MCM5: variants seen among roughly 807,000 people sequenced by gnomAD.
MCM5 encodes the protein minichromosome maintenance complex component 5.
Under a neutral mutation model 79.9 loss-of-function variants are expected in MCM5, and 46 were observed. The observed-to-expected ratio is 0.58, with a 90% CI of 0.45 to 0.74. The LOEUF (loss-of-function observed/expected upper bound fraction) is 0.74, where lower values mean the gene tolerates loss of function less well. MCM5 is among the 30% of genes least tolerant of loss of function. MCM5 has a pLI of 0.00. For synonymous variants in MCM5, 404 were observed against 390.5 expected, an observed-to-expected ratio of 1.03 and a Z score of -0.41; for missense variants, 883 against 1,017.0, an observed-to-expected ratio of 0.87 and a Z score of 1.79.
At chr22:35,403,677 TTTG>T in intron 4 of MCM5, 135 bp downstream of exon 4, 1 of 1,103,298 alleles carries the variant, frequency 9.1e-7, no homozygotes, top group South Asian at 1.6e-5. Context: ...AAAAGGATCG[TTTG>T]TTGTTTTTTG....
intron 9 of MCM5, among the ~76,000 whole-genome samples, chr22:35,414,187 C>T (rs900896092): frequency 2.0e-5 from 3 of 152,046 alleles, no homozygotes; most frequent in Non-Finnish European, 4.4e-5. Flanking sequence ...GGGCAGGGGG[C>T]GAGTACACTG....
the MCM5 span, among the ~76,000 whole-genome samples, chr22:35,441,432 A>C: frequency 1.3e-5 from 2 of 152,128 alleles, no homozygotes; most frequent in African/African-American, 4.8e-5. Context: ...GTGCCCCCCC[A>C]CCACCTCTAC....
At chr22:35,421,529 C>T in intron 15 of MCM5, 69 bp downstream of exon 15, 2 of 1,602,976 alleles carry the variant, frequency 1.2e-6, no homozygotes, top group Non-Finnish European at 8.5e-7. Context: ...GTGGGCAGGG[C>T]TCTGGCCTGC....
the MCM5 span, among the ~76,000 whole-genome samples, chr22:35,432,415 C>T: frequency 1.3e-5 from 2 of 152,168 alleles, no homozygotes; most frequent in African/African-American, 4.8e-5. Context: ...TACATAAGCG[C>T]CTCACCCTGG....
chr22:35,434,889 C>T, the MCM5 span, among the ~76,000 whole-genome samples: 88 of 151,632 alleles, frequency 5.8e-4, no homozygotes, highest in Middle Eastern at 0.014. Context: ...CGGTGGCTCA[C>T]GCCTGTAATC....
At position 35,403,240 on chromosome 22, in the gene MCM5, G is replaced by C. The variant is rs759149447; in HGVS notation, c.201G>C (p.Glu67Asp). The C allele has an allele frequency of 1.9e-6, 3 of 1,614,038 alleles. No individual in the cohort carries two copies. The South Asian group carries it at 3.3e-5, about 18-fold the overall frequency. ...DELKRHYNLGEYWIEVEMEDL... is the reference protein window; with the variant it reads ...DELKRHYNLGDYWIEVEMEDL... ...TCAAGCGGCATTACAACCTGGGGGAGTACTGGATTGAGGTGGAGATGGAGG... is the reference window on the plus strand; with the variant it reads ...TCAAGCGGCATTACAACCTGGGGGACTACTGGATTGAGGTGGAGATGGAGG... Residue 67 changes from glutamate to aspartate, a missense_variant, in exon 3 of 17, where the codon GAG becomes GAC. Transcript: ENST00000216122.
At chr22:35,406,307 C>A (rs1444798682) in intron 4 of MCM5, among the ~76,000 whole-genome samples, 1 of 144,352 alleles carries the variant, frequency 6.9e-6, no homozygotes, top group Non-Finnish European at 1.5e-5. Flanking sequence ...CCTCCCCCCC[C>A]AATTGTGCTG....
chr22:35,414,482 C>T (rs1273806243), intron 9 of MCM5, among the ~76,000 whole-genome samples: 1 of 151,752 alleles, frequency 6.6e-6, no homozygotes, highest in Non-Finnish European at 1.5e-5. Flanking sequence ...ACTAGCCAGG[C>T]GTGATATGCA....
At chr22:35,442,026 C>T in the MCM5 span, among the ~76,000 whole-genome samples, 1 of 152,102 alleles carries the variant, frequency 6.6e-6, no homozygotes, top group Non-Finnish European at 1.5e-5. Flanking sequence ...CTTTCAGCTC[C>T]TCACCAATCT....
In MCM5 at chr22:35,403,639, C is replaced by T. The variant is rs555089769; in HGVS notation, c.423+97C>T. On this transcript the variant is annotated intron_variant, in intron 4 of 16. Transcript: ENST00000216122. ...TGTGGCCTTGAGTGAGGCACTTGAC[C>T]TTTCTGAACCTGTCTCCTCCTGGAG... The T allele has an allele frequency of 1.5e-5, 22 of 1,432,800 alleles. No homozygotes were observed. The East Asian group carries it at 4.4e-4, about 29-fold the overall frequency. The allele number at this position is 1,432,800 out of a possible 1,614,324, so 88.8% of individuals were successfully genotyped here.
At position 35,403,259 on chromosome 22, in the gene MCM5, A is replaced by G. The variant is rs750883580; in HGVS notation, c.220A>G (p.Met74Val). The change falls in exon 3 of 17, where the codon ATG (methionine) becomes GTG (valine). Residue 74 changes from methionine to valine, a missense_variant. This residue lies in a region of MCM5 where 455 missense variants were observed against 517.5 expected (regional missense o/e 0.88). Coordinates refer to ENST00000216122, the MANE Select transcript of MCM5 (RefSeq NM_006739.4). Reference protein sequence around the residue: ...NLGEYWIEVEMEDLASFDEDL... With the variant: ...NLGEYWIEVEVEDLASFDEDL... ...GGGGGAGTACTGGATTGAGGTGGAGATGGAGGATCTGGCCAGCTTTGATGA... is the reference window on the plus strand; with the variant it reads ...GGGGGAGTACTGGATTGAGGTGGAGGTGGAGGATCTGGCCAGCTTTGATGA... The G allele has an allele frequency of 6.2e-7, 1 of 1,614,040 alleles. No homozygotes were observed. The highest frequency in any genetic ancestry group is 8.5e-7 in the Non-Finnish European group (1 of 1,180,030).
chr22:35,443,867 G>A, the MCM5 span, among the ~76,000 whole-genome samples: 15 of 150,566 alleles, frequency 1.0e-4, no homozygotes, highest in Non-Finnish European at 1.5e-4. Flanking sequence ...GCCGTGGGCC[G>A]TAGACTTGGA....
chr22:35,440,155 T>G, the MCM5 span, among the ~76,000 whole-genome samples: 1 of 152,200 alleles, frequency 6.6e-6, no homozygotes, highest in Non-Finnish European at 1.5e-5. Context: ...CATCATCTCA[T>G]GATACTTAGA....
At chr22:35,452,025 C>G in the MCM5 span, among the ~76,000 whole-genome samples, 1 of 152,222 alleles carries the variant, frequency 6.6e-6, no homozygotes, top group African/African-American at 2.4e-5. Context: ...CCTGTGCTAT[C>G]TCAGCCCCTG....
intron 5 of MCM5, among the ~76,000 whole-genome samples, chr22:35,407,385 C>T (rs1932250362): frequency 6.6e-6 from 1 of 152,132 alleles, no homozygotes; most frequent in Non-Finnish European, 1.5e-5. Flanking sequence ...CCTCCACCCC[C>T]TCAGTCTGTT....
At chr22:35,453,819 T>TATATATATATATATATAGAGAGAG in the MCM5 span, among the ~76,000 whole-genome samples, 3 of 81,546 alleles carry the variant, frequency 3.7e-5, no homozygotes, top group Admixed American at 4.0e-4. Context: ...TATATATATA[T>TATATATATATATATATAGAGAGAG]AGAGAGAGAG....
chr22:35,417,011 C>T (rs187412382), intron 12 of MCM5, among the ~76,000 whole-genome samples, 197 bp downstream of exon 12: 11 of 152,296 alleles, frequency 7.2e-5, no homozygotes, highest in African/African-American at 2.6e-4. Flanking sequence ...CTGTGGCCTG[C>T]TCTGCCTCTG....
In MCM5 at chr22:35,424,731, G is replaced by A. The variant is rs569253946; in HGVS notation, c.*476G>A. ...TGGGAATCCAGTGAGACCAGGGAGT[G>A]GGGAAGCGCTTCTCAAAGTGTGTGA... On this transcript the variant is annotated 3_prime_UTR_variant, in exon 17 of 17. Coordinates refer to ENST00000216122, the MANE Select transcript of MCM5 (RefSeq NM_006739.4). The A allele has an allele frequency of 6.5e-6, 1 of 153,110 alleles. No homozygotes were observed. The highest frequency in any genetic ancestry group is 1.9e-4 in the East Asian group (1 of 5,208). The allele number at this position is 153,110 out of a possible 1,614,324, so 9.5% of individuals were successfully genotyped here. A position where few individuals can be genotyped will look rare whatever the true frequency, so the allele number is the denominator to read the frequency against.
At chr22:35,440,116 G>A in the MCM5 span, among the ~76,000 whole-genome samples, 13 of 152,336 alleles carry the variant, frequency 8.5e-5, no homozygotes, top group Admixed American at 2.6e-4. Context: ...AATTGTAGGC[G>A]GAGTCTGGGG....
Sources: gnomAD v4.1 joint callset for allele counts (sites outside exome capture counted in the v4.1 genomes callset) on GRCh38, gnomAD v4.1.1 for gene constraint, gnomAD v4.1.1 regional missense constraint, MANE v1.5 for transcripts, NCBI Gene and HGNC (gene_info 2026-07-23, HGNC 2026-07-21) for gene names.